ROBO1: variants seen among roughly 807,000 people sequenced by gnomAD.
ROBO1 encodes roundabout homolog 1.
A neutral mutation model predicts 195.9 loss-of-function variants in ROBO1; 149 were observed. That is an observed-to-expected ratio of 0.76 (90% CI 0.67 to 0.87). The LOEUF (loss-of-function observed/expected upper bound fraction) is 0.87, where lower values mean the gene tolerates loss of function less well. ROBO1 is among the 40% of genes least tolerant of loss of function. The pLI, the probability that ROBO1 is intolerant of heterozygous loss-of-function variation, is 0.00. For missense variants in ROBO1, 1,933 were observed against 2,068.3 expected, an observed-to-expected ratio of 0.93 and a Z score of 1.27; for synonymous variants, 816 against 733.2, an observed-to-expected ratio of 1.11 and a Z score of -1.82.
At chr3:78,904,426 AT>A (rs2037768387) in intron 4 of ROBO1, among the ~76,000 whole-genome samples, 1 of 152,072 alleles carries the variant, frequency 6.6e-6, no homozygotes, top group African/African-American at 2.4e-5. Flanking sequence ...CTGGGATCAA[AT>A]TCCATTTCTT....
rs200007272 is a variant in ROBO1, at chr3:78,646,616, A to AC, written c.2840-427_2840-426insG. Among the ~76,000 whole-genome samples, 1,321 of 150,602 alleles carry AC rather than the reference A, an allele frequency of 8.8e-3. 23 individuals carry two copies. Among genetic ancestry groups the AC allele is most frequent in the African/African-American group, 0.031 (1,259 of 41,206 alleles). On this transcript the variant is annotated intron_variant, in intron 20 of 30. Coordinates refer to ENST00000464233, the MANE Select transcript of ROBO1 (RefSeq NM_002941.4). ...TGTAAACTTAAACTCAGGAAAAAAA[A>AC]AAACTACTAGATTATTTTCCCGGAA...
intron 4 of ROBO1, among the ~76,000 whole-genome samples, chr3:78,901,670 A>G (rs1266534133): frequency 6.6e-6 from 1 of 152,174 alleles, no homozygotes; most frequent in African/African-American, 2.4e-5. Context: ...AGCGATTTAA[A>G]TCTGTGAAAA....
At chr3:79,526,324 G>A (rs1231271042) in intron 2 of ROBO1, among the ~76,000 whole-genome samples, 1 of 152,128 alleles carries the variant, frequency 6.6e-6, no homozygotes. Context: ...GGAAAAGTTC[G>A]ACATGGGTTC....
intron 2 of ROBO1, among the ~76,000 whole-genome samples, chr3:79,551,980 T>TAGAAAAAAAAAAA (rs1942530956): frequency 2.3e-5 from 1 of 44,222 alleles, no homozygotes; most frequent in Non-Finnish European, 3.8e-5. Context: ...TCTACAGAGT[T>TAGAAAAAAAAAAA]AAAAAAAAAA....
intron 2 of ROBO1, among the ~76,000 whole-genome samples, chr3:79,528,557 C>G (rs1941526835): frequency 6.6e-6 from 1 of 152,138 alleles, no homozygotes; most frequent in Non-Finnish European, 1.5e-5. Context: ...CACTGAGAAT[C>G]TCTCGTCTTT....
rs143071230 is a variant in ROBO1 at position 78,967,740 on chromosome 3, T to C, written c.173-28813A>G. On this transcript the variant is annotated intron_variant, in intron 3 of 30. Transcript: ENST00000464233. ...AATACCAACAATCTAAAAAGATCCA[T>C]AAATCTAATAAAAATATTTCAACAT... is the stretch of plus-strand genomic sequence containing the variant. 2.8e-4 allele frequency among the ~76,000 whole-genome samples: 43 copies of C among 152,268 alleles called. 1 individual carries two copies. The East Asian group carries it at 7.5e-3, about 27-fold the overall frequency.
At chr3:79,339,238 C>G (rs1200431717) in intron 2 of ROBO1, among the ~76,000 whole-genome samples, 1 of 152,156 alleles carries the variant, frequency 6.6e-6, no homozygotes, top group Non-Finnish European at 1.5e-5. Context: ...ATCGAGTGAG[C>G]AGGTTTAAAT....
At chr3:79,107,463 A>G (rs1344944674) in intron 3 of ROBO1, among the ~76,000 whole-genome samples, 2 of 151,758 alleles carry the variant, frequency 1.3e-5, no homozygotes, top group African/African-American at 2.4e-5. Context: ...TACTTTTTGT[A>G]TGTTGTTTCA....
Position 78,688,703 on chromosome 3 carries a change from C to A in ROBO1, c.1115G>T (p.Cys372Phe). 1 of 1,609,112 alleles carries A rather than the reference C, an allele frequency of 6.2e-7. No individual in the cohort carries two copies. Among genetic ancestry groups the A allele is most frequent in the Non-Finnish European group, 8.5e-7 (1 of 1,177,590 alleles). The part of the protein sequence containing the change: ...VALGRTVTFQ[C>F]EATGNPQPAI... ...TGGTTGAGGATTTCCGGTTGCTTCA[C>A]ACTGAAAAGTTACAGTCCGTCCCAA... is the stretch of plus-strand genomic sequence containing the variant. The change falls in exon 9 of 31, where the codon TGT (cysteine) becomes TTT (phenylalanine). Residue 372 changes from cysteine (C) to phenylalanine (F), a missense_variant. Around this residue, in one of 3 missense-constraint regions of ROBO1, gnomAD observed 1,737 missense variants for 1,882.5 expected, o/e 0.92. Coordinates refer to ENST00000464233, the MANE Select transcript of ROBO1 (RefSeq NM_002941.4).
At chr3:79,154,637 A>G (rs1413966032) in intron 2 of ROBO1, among the ~76,000 whole-genome samples, 1 of 151,884 alleles carries the variant, frequency 6.6e-6, no homozygotes, top group Non-Finnish European at 1.5e-5. Flanking sequence ...ATAAATTCAC[A>G]TGGGCATCTT....
intron 3 of ROBO1, among the ~76,000 whole-genome samples, chr3:79,047,743 C>A (rs1364278673): frequency 6.6e-6 from 1 of 152,076 alleles, no homozygotes; most frequent in Non-Finnish European, 1.5e-5. Flanking sequence ...TGTTGCATCA[C>A]TTTCCCATTC....
intron 1 of ROBO1, among the ~76,000 whole-genome samples, chr3:79,647,767 A>G (rs1263957990): frequency 6.6e-6 from 1 of 152,108 alleles, no homozygotes; most frequent in South Asian, 2.1e-4. Flanking sequence ...TGAGCTAATG[A>G]GATACAGCAG....
chr3:79,310,444 G>A (rs930030839), intron 2 of ROBO1, among the ~76,000 whole-genome samples: 1 of 152,164 alleles, frequency 6.6e-6, no homozygotes, highest in Non-Finnish European at 1.5e-5. Flanking sequence ...GCTGAGAATG[G>A]AAGTCTATGC....
intron 4 of ROBO1, among the ~76,000 whole-genome samples, chr3:78,912,528 T>C (rs1442980872): frequency 2.6e-5 from 4 of 152,136 alleles, no homozygotes; most frequent in Non-Finnish European, 4.4e-5. Context: ...TCGTAATGGA[T>C]TATTGTAAAC....
At chr3:78,684,749 T>C (rs1352819027) in intron 10 of ROBO1, among the ~76,000 whole-genome samples, 1 of 152,116 alleles carries the variant, frequency 6.6e-6, no homozygotes, top group Non-Finnish European at 1.5e-5. Context: ...CAAAGATGAC[T>C]CCACAGATTC....
At chr3:79,752,070 A>T (rs62257320) in intron 1 of ROBO1, among the ~76,000 whole-genome samples, 2 of 152,182 alleles carry the variant, frequency 1.3e-5, no homozygotes, top group Admixed American at 6.5e-5. Context: ...AAACAAGCCA[A>T]CACATTTTTA....
intron 3 of ROBO1, among the ~76,000 whole-genome samples, chr3:78,950,418 A>G (rs555035167): frequency 2.7e-5 from 4 of 149,918 alleles, no homozygotes; most frequent in Admixed American, 6.7e-5. Context: ...AGGAGAAAAA[A>G]CCAAACACCG....
In ROBO1 at chr3:78,946,067, G is replaced by A. The variant is rs541420106; in HGVS notation, c.173-7140C>T. Among the ~76,000 whole-genome samples the A allele has an allele frequency of 1.9e-3, 291 of 152,248 alleles. 1 individual carries two copies. The highest frequency in any genetic ancestry group is 6.8e-3 in the African/African-American group (283 of 41,532). The stretch of plus-strand genomic sequence containing the variant: ...CTGATTGGTGTACCTGAAAGTGATG[G>A]GGAGAATGGAACCAAGTTGGAAAAC... On this transcript the variant is annotated intron_variant, in intron 3 of 30. Transcript: ENST00000464233.
At chr3:78,670,593 T>C (rs1708012414) in intron 10 of ROBO1, 3 of 310,388 alleles carry the variant, frequency 9.7e-6, no homozygotes, top group African/African-American at 2.1e-5. Context: ...GTGAAGTAGA[T>C]ACAGAGACGT....
Sources: allele counts gnomAD v4.1 joint callset (sites outside exome capture counted in the v4.1 genomes callset), GRCh38; gene constraint gnomAD v4.1.1; regional missense constraint gnomAD v4.1.1; transcripts MANE v1.5; gene names NCBI Gene and HGNC (gene_info 2026-07-23, HGNC 2026-07-21).